EPB42: variants seen among roughly 807,000 people sequenced by gnomAD.
EPB42 encodes erythrocyte membrane protein band 4.2, also known as protein 4.2.
In EPB42, 49 loss-of-function variants were observed where a neutral mutation model predicts 76.9. The ratio of observed to expected loss-of-function variants is 0.64; its 90% confidence interval spans 0.51 to 0.81. The LOEUF (loss-of-function observed/expected upper bound fraction) is 0.81, where lower values mean the gene tolerates loss of function less well. Ranked by LOEUF, EPB42 falls within the 30% of genes least tolerant of loss-of-function variation. EPB42 has a pLI of 0.00. For missense variants in EPB42, 731 were observed against 867.6 expected (o/e 0.84, Z 1.98); for synonymous variants, 310 against 338.4 (o/e 0.92, Z 0.92).
In EPB42 at chr15:43,215,240, C is replaced by T. The variant is rs1197073084; in HGVS notation, c.285G>A (p.Glu95=). Residue 95 remains glutamate, a synonymous_variant, in exon 3 of 13, where the codon GAG becomes GAA. Transcript: ENST00000441366. ...GDRKWWSAVV[E]ERDAQSWTIS... ...TGGTCCAGGACTGGGCATCTCTCTCCTCCACCACTGCACTCCACCACTTTC... is the reference window on the plus strand; with the variant it reads ...TGGTCCAGGACTGGGCATCTCTCTCTTCCACCACTGCACTCCACCACTTTC... The T allele has an allele frequency of 2.5e-6, 4 of 1,614,212 alleles. No homozygotes were observed. Among genetic ancestry groups the T allele is most frequent in the Admixed American group, 3.3e-5 (2 of 60,028 alleles).
At chr15:43,205,675 C>T (rs963197897) in intron 10 of EPB42, among the ~76,000 whole-genome samples, 4 of 152,188 alleles carry the variant, frequency 2.6e-5, no homozygotes, top group Non-Finnish European at 2.9e-5. Context: ...GCTGGGATTA[C>T]AGGCATGAGC....
chr15:43,202,984 A>G, intron 11 of EPB42, 131 bp downstream of exon 11: 1 of 1,119,366 alleles, frequency 8.9e-7, no homozygotes. Context: ...CAAGGGAAGG[A>G]GCTCTTAAAT....
chr15:43,204,236 C>T (rs1205943128), intron 10 of EPB42, among the ~76,000 whole-genome samples: 2 of 152,158 alleles, frequency 1.3e-5, no homozygotes, highest in African/African-American at 4.8e-5. Context: ...TCAGCCTTGA[C>T]ACCTCGTGCC....
chr15:43,204,013 T>C (rs760913763), intron 10 of EPB42, among the ~76,000 whole-genome samples: 2 of 152,188 alleles, frequency 1.3e-5, no homozygotes, highest in Non-Finnish European at 2.9e-5. Flanking sequence ...CTCCTGAGGC[T>C]CCATTCTTTC....
chr15:43,206,777 C>CA lies in EPB42; in HGVS notation c.1319-149dup. The CA allele has an allele frequency of 1.1e-6, 1 of 947,702 alleles. No homozygotes were observed. The highest frequency in any genetic ancestry group is 1.6e-6 in the Non-Finnish European group (1 of 621,154). 58.7% of individuals were successfully genotyped at this position (947,702 alleles called of 1,614,324 possible). A position where few individuals can be genotyped will look rare whatever the true frequency, so the allele number is the denominator to read the frequency against. On this transcript the variant is annotated intron_variant, in intron 9 of 12. Coordinates refer to ENST00000441366, the MANE Select transcript of EPB42 (RefSeq NM_001114134.2). This position sits in a 1 kb window ranked among gnomAD's most constrained non-coding sequence, Gnocchi z 4.7. ...CAAGCCTCTAAGGCCATATTTAGCC[C>CA]AAAAATGTCTGTGTCAGGCAGCTCC...
At chr15:43,220,632 C>T (rs1286873102) in intron 1 of EPB42, 184 bp downstream of exon 1, 1 of 1,173,002 alleles carries the variant, frequency 8.5e-7, no homozygotes, top group South Asian at 1.2e-5. Flanking sequence ...TCACCTCTAC[C>T]AGCACCCACC....
intron 10 of EPB42, among the ~76,000 whole-genome samples, chr15:43,205,605 GC>G (rs1253723492): frequency 2.0e-5 from 3 of 152,014 alleles, no homozygotes; most frequent in Admixed American, 6.6e-5. Context: ...TCACCATGTT[GC>G]CCAGGCTGAT....
intron 8 of EPB42, 140 bp from the exon 9 acceptor site, chr15:43,207,581 T>C: frequency 7.3e-7 from 1 of 1,377,754 alleles, no homozygotes; most frequent in East Asian, 2.4e-5. Flanking sequence ...CTAGGCAGGG[T>C]TTCTGAGAGA....
intron 8 of EPB42, among the ~76,000 whole-genome samples, chr15:43,207,677 C>A (rs1454015059): frequency 6.6e-6 from 1 of 152,226 alleles, no homozygotes; most frequent in Non-Finnish European, 1.5e-5. Context: ...CTCTCAGGAA[C>A]TGGACAGGCA....
Position 43,210,342 on chromosome 15 carries a change from C to T in EPB42, c.647G>A (p.Gly216Asp), listed in dbSNP as rs2042274964. Residue 216 changes from glycine (G) to aspartate (D), a missense_variant, in exon 5 of 13, where the codon GGT (glycine) becomes GAT (aspartate). Gly to Asp is a moderately conservative substitution (Grantham distance 94). Transcript: ENST00000441366. ...CCCCAGCCTCTCGCTTACCAAGGCA[C>T]CCAACACACGGGCCACGTGCACCGG... ...SQPVHVARVL[G>D]ALLHFLKEQR... The T allele has an allele frequency of 6.2e-7, 1 of 1,613,554 alleles. No homozygotes were observed. The highest frequency in any genetic ancestry group is 8.5e-7 in the Non-Finnish European group (1 of 1,179,946).
In EPB42 at chr15:43,203,182, G is replaced by C. The variant is rs755099340; in HGVS notation, c.1712C>G (p.Ser571Cys). 1.9e-6 allele frequency: 3 copies of C among 1,614,094 alleles called. No homozygotes were observed. Among genetic ancestry groups the C allele is most frequent in the Admixed American group, 3.3e-5 (2 of 60,012 alleles). The change falls in exon 11 of 13, where the codon TCT becomes TGT. Residue 571 changes from serine (S) to cysteine (C), a missense_variant. Ser to Cys is a moderately radical substitution (Grantham distance 112). Coordinates refer to ENST00000441366, the MANE Select transcript of EPB42 (RefSeq NM_001114134.2). Reference sequence around the variant, plus strand: ...AGCAAAGCAGCTAAGGTTGGATTCAGAGTGTGTTGCCATGGCGGTGAGTCT... The same window carrying C: ...AGCAAAGCAGCTAAGGTTGGATTCACAGTGTGTTGCCATGGCGGTGAGTCT... ...FLRLTAMATH[S>C]ESNLSCFAQE...
At position 43,215,195 on chromosome 15, in the gene EPB42, C is replaced by T. The variant is rs1042168; in HGVS notation, c.330G>A (p.Ala110=). ...GCGAGTAGTGGCCAATGACAGCGTC[C>T]GCAGGTGTGGTCACAGAGATGGTCC... ...QSWTISVTTP[A]DAVIGHYSLL... The change falls in exon 3 of 13, where the codon GCG becomes GCA. Residue 110 remains alanine, a synonymous_variant. Coordinates refer to ENST00000441366, the MANE Select transcript of EPB42 (RefSeq NM_001114134.2). 12,430 of 1,614,172 alleles carry T rather than the reference C, an allele frequency of 7.7e-3. 644 individuals are homozygous for T. The African/African-American group carries it at 0.12, about 16-fold the overall frequency.
intron 12 of EPB42, among the ~76,000 whole-genome samples, chr15:43,198,149 C>T (rs1399851615): frequency 1.3e-5 from 2 of 152,160 alleles, no homozygotes; most frequent in Non-Finnish European, 2.9e-5. Context: ...TAGAGTGGGG[C>T]ATGGCTGAAA....
At chr15:43,205,351 C>T (rs746728933) in intron 10 of EPB42, among the ~76,000 whole-genome samples, 43 of 152,186 alleles carry the variant, frequency 2.8e-4, no homozygotes, top group Admixed American at 7.9e-4. Context: ...GTCTGCACAT[C>T]GGAATTACTT....
chr15:43,212,551 A>G (rs2042317616), intron 3 of EPB42, among the ~76,000 whole-genome samples: 1 of 152,126 alleles, frequency 6.6e-6, no homozygotes, highest in African/African-American at 2.4e-5. Context: ...ACAATTAAGC[A>G]TAGGCTGACG....
chr15:43,223,442 T>C (rs2042480299), upstream of EPB42, among the ~76,000 whole-genome samples: 1 of 151,966 alleles, frequency 6.6e-6, no homozygotes, highest in African/African-American at 2.4e-5. Flanking sequence ...AACAAACTAT[T>C]AGAAAAATGA....
intron 6 of EPB42, 86 bp from the exon 7 acceptor site, chr15:43,208,861 C>G: frequency 1.4e-6 from 2 of 1,469,356 alleles, no homozygotes; most frequent in Non-Finnish European, 1.9e-6. Flanking sequence ...AGTGTCTCCT[C>G]TGGGCACTGA....
chr15:43,210,002 G>A (rs957071521), intron 5 of EPB42, among the ~76,000 whole-genome samples: 2 of 152,220 alleles, frequency 1.3e-5, no homozygotes, highest in Admixed American at 6.5e-5. Context: ...GATCACTGCA[G>A]CAGCAAGCCC....
At chr15:43,225,545 G>A (rs182029541), upstream of EPB42, among the ~76,000 whole-genome samples, 1 of 152,312 alleles carries the variant, frequency 6.6e-6, no homozygotes, top group African/African-American at 2.4e-5. Context: ...CACTTTCTGA[G>A]GTACCGTTAG....
Sources: allele counts gnomAD v4.1 joint callset (sites outside exome capture counted in the v4.1 genomes callset), GRCh38; gene constraint gnomAD v4.1.1; non-coding constraint Gnocchi (gnomAD v3.1); transcripts MANE v1.5; gene names NCBI Gene and HGNC (gene_info 2026-07-23, HGNC 2026-07-21).